CACNA1C: variants seen among roughly 807,000 people sequenced by gnomAD.
The protein encoded by CACNA1C is calcium voltage-gated channel subunit alpha1 C.
A neutral mutation model predicts 229.0 loss-of-function variants in CACNA1C; 30 were observed. The ratio of observed to expected loss-of-function variants is 0.13; its 90% confidence interval spans 0.10 to 0.18. CACNA1C has a LOEUF of 0.18. Ranked by LOEUF, CACNA1C falls within the 10% of genes least tolerant of loss-of-function variation. The pLI, the probability that CACNA1C is intolerant of heterozygous loss-of-function variation, is 1.00. For synonymous variants in CACNA1C, 1,114 were observed against 1,132.5 expected, an observed-to-expected ratio of 0.98 and a Z score of 0.33; for missense variants, 1,658 against 2,845.0, an observed-to-expected ratio of 0.58 and a Z score of 9.49.
chr12:2,047,029 C>T (rs1011762578), intron 1 of CACNA1C, among the ~76,000 whole-genome samples: 6 of 152,306 alleles, frequency 3.9e-5, no homozygotes, highest in Non-Finnish European at 7.3e-5. Context: ...GGGGATTTCC[C>T]CCAAAGCCTT....
chr12:2,299,541 G>A (rs1170862498), intron 3 of CACNA1C, among the ~76,000 whole-genome samples: 1 of 152,152 alleles, frequency 6.6e-6, no homozygotes, highest in Non-Finnish European at 1.5e-5. Flanking sequence ...TCTCAGTCCT[G>A]AAATCATGAT....
intron 3 of CACNA1C, among the ~76,000 whole-genome samples, chr12:2,296,574 A>G (rs1052850685): frequency 1.3e-5 from 2 of 152,096 alleles, no homozygotes; most frequent in Admixed American, 6.5e-5. Context: ...ATATCCTCAC[A>G]TGGGACCACC....
At chr12:2,241,022 A>G (rs2069826314) in intron 3 of CACNA1C, among the ~76,000 whole-genome samples, 1 of 152,012 alleles carries the variant, frequency 6.6e-6, no homozygotes. Context: ...GGGATTTCAC[A>G]TGTTTCTCAA....
At chr12:2,424,828 C>T (rs2239067) in intron 3 of CACNA1C, among the ~76,000 whole-genome samples, 62,740 of 152,102 alleles carry the variant, frequency 0.41, 13,051 homozygotes, top group East Asian at 0.56. Context: ...TGGGCATGGG[C>T]GCTGATAAGG....
intron 3 of CACNA1C, among the ~76,000 whole-genome samples, chr12:2,273,699 G>C (rs2086252736): frequency 6.6e-6 from 1 of 152,226 alleles, no homozygotes; most frequent in African/African-American, 2.4e-5. Flanking sequence ...AAGGAACTTT[G>C]CACGATTTCC....
intron 34 of CACNA1C, among the ~76,000 whole-genome samples, chr12:2,656,144 A>G (rs538100635): frequency 2.0e-5 from 3 of 152,360 alleles, no homozygotes; most frequent in South Asian, 2.1e-4. Flanking sequence ...GAAAGGAAGA[A>G]GTGAAATTTT....
chr12:2,139,827 G>A (rs895178013), intron 3 of CACNA1C, among the ~76,000 whole-genome samples: 48 of 151,486 alleles, frequency 3.2e-4, no homozygotes, highest in Middle Eastern at 3.4e-3. Flanking sequence ...AACTGGAGGT[G>A]TAAGGGGTGA....
intron 3 of CACNA1C, among the ~76,000 whole-genome samples, chr12:2,256,047 C>CAACCACACGATCCTGACCTGACTAG (rs2077475642): frequency 5.3e-5 from 1 of 18,932 alleles, no homozygotes; most frequent in Admixed American, 5.5e-4. Flanking sequence ...GACCTGACTA[C>CAACCACACGATCCTGACCTGACTAG]TTTACAATCA....
rs2094757572 is a variant in CACNA1C, at chr12:2,649,887, T to C, written c.3945+1380T>C. Among the ~76,000 whole-genome samples, 2 of 151,876 alleles carry C rather than the reference T, an allele frequency of 1.3e-5. No individual in the cohort carries two copies. Among genetic ancestry groups the C allele is most frequent in the South Asian group, 4.2e-4 (2 of 4,818 alleles). ...CATACTCCTCTGGGGAAACACAACCTCCTTTTAAGGAGTGAAAATAGAAGT... is the reference window on the plus strand; with the variant it reads ...CATACTCCTCTGGGGAAACACAACCCCCTTTTAAGGAGTGAAAATAGAAGT... On this transcript the variant is annotated intron_variant, in intron 31 of 46. Transcript: ENST00000399655. The surrounding 1 kb of genome is among the most constrained non-coding windows in gnomAD (Gnocchi z 4.4).
Position 2,004,568 on chromosome 12 carries a change from C to A in CACNA1C, c.139+33367C>A, listed in dbSNP as rs1328049974. 10 of 1,279,050 alleles carry A rather than the reference C, an allele frequency of 7.8e-6. No individual in the cohort carries two copies. In the Admixed American group the frequency reaches 8.0e-5, roughly 10 times the overall value. 79.2% of individuals were successfully genotyped at this position (1,279,050 alleles called of 1,614,324 possible). On this transcript the variant is annotated intron_variant, in intron 1 of 46. Transcript: ENST00000682462. ...GAGGCCTTCCGGCTCCAGTCACCCCCACCCTCCTGCCCGCCGACAGACGCA... is the reference window on the plus strand; with the variant it reads ...GAGGCCTTCCGGCTCCAGTCACCCCAACCCTCCTGCCCGCCGACAGACGCA...
At chr12:2,242,107 G>A (rs2070680813) in intron 3 of CACNA1C, among the ~76,000 whole-genome samples, 1 of 152,068 alleles carries the variant, frequency 6.6e-6, no homozygotes, top group African/African-American at 2.4e-5. Flanking sequence ...CGCATCCTCC[G>A]ACCTGGCCTC....
intron 3 of CACNA1C, among the ~76,000 whole-genome samples, chr12:2,127,339 C>T (rs959151281): frequency 2.0e-5 from 3 of 152,234 alleles, no homozygotes; most frequent in African/African-American, 4.8e-5. Context: ...CCTCTCCCTG[C>T]AGTGAACTGT....
intron 3 of CACNA1C, among the ~76,000 whole-genome samples, chr12:2,383,264 CAA>C (rs1278256523): frequency 2.0e-5 from 3 of 152,176 alleles, no homozygotes; most frequent in Admixed American, 6.5e-5. Context: ...CAAAGGCAAA[CAA>C]GAGCAGTGGA....
chr12:2,327,693 A>T (rs2096379973), intron 3 of CACNA1C, among the ~76,000 whole-genome samples: 1 of 152,208 alleles, frequency 6.6e-6, no homozygotes, highest in Non-Finnish European at 1.5e-5. Context: ...TAGGAAATGG[A>T]TGGAGTTGAG....
intron 9 of CACNA1C, among the ~76,000 whole-genome samples, chr12:2,542,852 GGA>G (rs2099874687): frequency 6.6e-6 from 1 of 152,048 alleles, no homozygotes; most frequent in African/African-American, 2.4e-5. Flanking sequence ...GGGGTTGAGG[GGA>G]GAAGACATTA....
chr12:2,357,477 C>T (rs2097406751), intron 3 of CACNA1C, among the ~76,000 whole-genome samples: 1 of 152,030 alleles, frequency 6.6e-6, no homozygotes, highest in Admixed American at 6.5e-5. Flanking sequence ...AAGTGACATC[C>T]CTCTTGAGCC....
chr12:1,973,570 T>C (rs1261425304), intron 1 of CACNA1C, among the ~76,000 whole-genome samples: 1 of 152,228 alleles, frequency 6.6e-6, no homozygotes, highest in East Asian at 1.9e-4. Flanking sequence ...TCAATCTTCC[T>C]AATCTTCCCA....
At position 2,215,828 on chromosome 12, in the gene CACNA1C, C is replaced by T. The variant is rs1599411350; in HGVS notation, c.477+95398C>T. Among the ~76,000 whole-genome samples the T allele has an allele frequency of 6.6e-6, 1 of 152,348 alleles. No individual in the cohort carries two copies. Among genetic ancestry groups the T allele is most frequent in the East Asian group, 1.9e-4 (1 of 5,176 alleles). ...GCCCTGGAGCCCCAGGCCTGCCTGC[C>T]TGGGGAGCAGCTGATGGCGAATCTG... On this transcript the variant is annotated intron_variant, in intron 3 of 46. Coordinates refer to ENST00000399655, the MANE Select transcript of CACNA1C (RefSeq NM_000719.7). The surrounding 1 kb of genome is among the most constrained non-coding windows in gnomAD (Gnocchi z 5.0).
chr12:2,160,209 C>T (rs1314059178), intron 3 of CACNA1C, among the ~76,000 whole-genome samples: 3 of 152,236 alleles, frequency 2.0e-5, no homozygotes, highest in African/African-American at 7.2e-5. Flanking sequence ...AGAAGTGGTA[C>T]GTTTTGCTTT....
Sources: allele counts gnomAD v4.1 joint callset (sites outside exome capture counted in the v4.1 genomes callset), GRCh38; gene constraint gnomAD v4.1.1; non-coding constraint Gnocchi (gnomAD v3.1); transcripts MANE v1.5; gene names NCBI Gene and HGNC (gene_info 2026-07-23, HGNC 2026-07-21).